Variants in SUN3 observed in about 807,000 individuals in gnomAD.
SUN3 encodes SUN domain-containing protein 3.
SUN3 carries 36 observed loss-of-function variants against 48.2 expected under a neutral mutation model. The observed-to-expected ratio is 0.75, with a 90% CI of 0.57 to 0.99. The LOEUF (loss-of-function observed/expected upper bound fraction) is 0.99, where lower values mean the gene tolerates loss of function less well. SUN3 is among the 50% of genes least tolerant of loss of function. The pLI, the probability that SUN3 is intolerant of heterozygous loss-of-function variation, is 0.00. For synonymous variants in SUN3, 148 were observed against 147.9 expected (o/e 1.00, Z 0.00); for missense variants, 419 against 433.1 (o/e 0.97, Z 0.29).
the SUN3 span, among the ~76,000 whole-genome samples, chr7:48,034,143 T>G: frequency 6.6e-6 from 1 of 152,236 alleles, no homozygotes; most frequent in Admixed American, 6.5e-5. Context: ...GCATTTGTCA[T>G]GCTTGGCAAT....
At chr7:48,001,110 G>A (rs1195291114) in intron 6 of SUN3, among the ~76,000 whole-genome samples, 2 of 151,684 alleles carry the variant, frequency 1.3e-5, no homozygotes, top group South Asian at 2.1e-4. Flanking sequence ...TTTTAAGTTC[G>A]GGGTACATGT....
upstream of SUN3, among the ~76,000 whole-genome samples, chr7:48,032,147 A>AGCTT (rs1218668453): frequency 7.9e-5 from 12 of 152,192 alleles, no homozygotes; most frequent in African/African-American, 1.7e-4. Context: ...AAAGGTGCAG[A>AGCTT]GCTTCAGTTA....
Position 48,028,479 on chromosome 7 carries a change from CAAAAAAAA to C in SUN3, c.122+330_122+337del, listed in dbSNP as rs55997019. Among the ~76,000 whole-genome samples, 354 of 45,266 alleles carry C rather than the reference CAAAAAAAA, an allele frequency of 7.8e-3. 1 individual carries two copies. Among genetic ancestry groups the C allele is most frequent in the Admixed American group, 0.023 (62 of 2,688 alleles). 29.7% of individuals were successfully genotyped at this position (45,266 alleles called of 152,430 possible). ...AAGACTATACAAGCTAGCCCAATGA[CAAAAAAAA>C]AAAAAAAAAAAAAAAAAAAAAGTGA... On this transcript the variant is annotated intron_variant, in intron 1 of 9. Transcript: ENST00000297325.
chr7:48,013,368 G>A (rs1490730081), intron 3 of SUN3, among the ~76,000 whole-genome samples: 1 of 152,148 alleles, frequency 6.6e-6, no homozygotes, highest in Non-Finnish European at 1.5e-5. Context: ...CTCTTCTGAT[G>A]CATAACTATT....
At chr7:48,028,479 C>CAAAAAAA (rs55997019) in intron 1 of SUN3, among the ~76,000 whole-genome samples, 5 of 45,260 alleles carry the variant, frequency 1.1e-4, no homozygotes, top group Non-Finnish European at 1.4e-4. Context: ...AGCCCAATGA[C>CAAAAAAA]AAAAAAAAAA....
chr7:47,999,706 T>C (rs943277292), intron 6 of SUN3, among the ~76,000 whole-genome samples: 5 of 152,176 alleles, frequency 3.3e-5, no homozygotes, highest in African/African-American at 1.2e-4. Flanking sequence ...CTGGCTGTTT[T>C]GTATTTTTAG....
intron 6 of SUN3, among the ~76,000 whole-genome samples, chr7:47,998,375 A>T (rs1235351990): frequency 1.3e-5 from 2 of 152,198 alleles, no homozygotes; most frequent in Non-Finnish European, 2.9e-5. Flanking sequence ...TCTTTAATGA[A>T]GTGTCTTCCA....
upstream of SUN3, among the ~76,000 whole-genome samples, chr7:48,031,074 T>C (rs1252542217): frequency 6.6e-6 from 1 of 152,240 alleles, no homozygotes. Flanking sequence ...ACATTGGTCT[T>C]GACAATGACT....
chr7:48,019,846 T>C (rs1789916464), intron 2 of SUN3, among the ~76,000 whole-genome samples: 1 of 151,614 alleles, frequency 6.6e-6, no homozygotes, highest in Non-Finnish European at 1.5e-5. Context: ...CTGAATTCTA[T>C]CACACATTTA....
chr7:48,017,903 C>A (rs541193389), intron 2 of SUN3, among the ~76,000 whole-genome samples: 3 of 152,278 alleles, frequency 2.0e-5, no homozygotes, highest in Non-Finnish European at 2.9e-5. Context: ...CAAAGACATA[C>A]TGCCGAAGCC....
intron 1 of SUN3, among the ~76,000 whole-genome samples, chr7:48,026,581 A>AC (rs1790141163): frequency 6.9e-6 from 1 of 145,730 alleles, no homozygotes; most frequent in African/African-American, 2.5e-5. Flanking sequence ...CCCACCCCCC[A>AC]ACACACACAC....
intron 6 of SUN3, among the ~76,000 whole-genome samples, chr7:48,000,544 G>T (rs1383077642): frequency 6.6e-6 from 1 of 152,174 alleles, no homozygotes; most frequent in Non-Finnish European, 1.5e-5. Flanking sequence ...TCCTTTAGCA[G>T]ATTCAGTGGC....
chr7:48,012,452 G>A (rs1447524590), intron 3 of SUN3, among the ~76,000 whole-genome samples: 1 of 151,802 alleles, frequency 6.6e-6, no homozygotes, highest in Non-Finnish European at 1.5e-5. Flanking sequence ...TTGGAACATG[G>A]CTCTAGTAAT....
intron 8 of SUN3, chr7:47,991,080 A>C (rs1435016525): frequency 8.8e-6 from 4 of 453,622 alleles, no homozygotes; most frequent in South Asian, 6.2e-5. Context: ...ACAAATAAAC[A>C]ACAAAACAAA....
intron 1 of SUN3, among the ~76,000 whole-genome samples, chr7:48,026,449 C>T (rs1045346865): frequency 3.0e-4 from 46 of 151,966 alleles, no homozygotes; most frequent in African/African-American, 1.0e-3. Flanking sequence ...TATACAAATA[C>T]GATTTGTGCT....
chr7:48,014,186 T>C (rs1789750318), intron 3 of SUN3, among the ~76,000 whole-genome samples: 1 of 152,136 alleles, frequency 6.6e-6, no homozygotes, highest in African/African-American at 2.4e-5. Context: ...ATCTGCCCAC[T>C]TCACCTGCCC....
intron 6 of SUN3, 116 bp downstream of exon 6, chr7:48,005,853 C>A: frequency 6.0e-6 from 3 of 502,418 alleles, no homozygotes; most frequent in Non-Finnish European, 1.1e-5. Context: ...ATTAATTTCC[C>A]CCCCCCAAGT....
At chr7:48,007,451 G>A in intron 4 of SUN3, 124 bp from the exon 5 acceptor site, 1 of 851,566 alleles carries the variant, frequency 1.2e-6, no homozygotes. Flanking sequence ...ATTCTTGAGT[G>A]AGGGAAGAGC....
At chr7:47,988,295 C>T (rs756159810) in intron 9 of SUN3, among the ~76,000 whole-genome samples, 30 of 152,132 alleles carry the variant, frequency 2.0e-4, no homozygotes, top group Non-Finnish European at 4.4e-5. Flanking sequence ...ATTTCATTTG[C>T]CTTGGTGAGT....
Sources: allele counts gnomAD v4.1 joint callset (sites outside exome capture counted in the v4.1 genomes callset), GRCh38; gene constraint gnomAD v4.1.1; transcripts MANE v1.5; gene names NCBI Gene and HGNC (gene_info 2026-07-23, HGNC 2026-07-21).